The following NUP210L variants were observed in gnomAD, a reference collection of about 807,000 sequenced individuals.
NUP210L encodes nuclear pore membrane glycoprotein 210-like.
Under a neutral mutation model 208.5 loss-of-function variants are expected in NUP210L, and 74 were observed. The observed-to-expected ratio is 0.35, with a 90% CI of 0.29 to 0.43. The LOEUF (loss-of-function observed/expected upper bound fraction) is 0.43, where lower values mean the gene tolerates loss of function less well. NUP210L is among the 20% of genes least tolerant of loss of function. The pLI is 1.00. For synonymous variants in NUP210L, 780 were observed against 816.9 expected (o/e 0.95, Z 0.77); for missense variants, 1,843 against 2,289.4 (o/e 0.81, Z 3.98).
chr1:154,093,138 G>A (rs551329118), intron 15 of NUP210L, among the ~76,000 whole-genome samples: 2 of 151,710 alleles, frequency 1.3e-5, no homozygotes, highest in Non-Finnish European at 2.9e-5. Context: ...GATTAAGATG[G>A]TAATTTTAGG....
At chr1:154,053,767 T>C (rs753733179) in intron 25 of NUP210L, among the ~76,000 whole-genome samples, 7 of 152,192 alleles carry the variant, frequency 4.6e-5, no homozygotes, top group Non-Finnish European at 7.4e-5. Flanking sequence ...TATAAATATG[T>C]GGGTTAATCT....
chr1:154,062,589 T>TTG lies in NUP210L; in HGVS notation c.2555-917_2555-916dup, dbSNP rs1286804007. Among the ~76,000 whole-genome samples the TTG allele has an allele frequency of 7.3e-4, 83 of 112,928 alleles. 1 individual carries two copies. Among genetic ancestry groups the TTG allele is most frequent in the Non-Finnish European group, 9.5e-4 (53 of 56,068 alleles). 74.1% of individuals were successfully genotyped at this position (112,928 alleles called of 152,430 possible). ...TTCCTTTTTTTTTTTTTTTTTTTTT[T>TTG]TGTGTGTGTGTGTGTGTGTGACAGG... On this transcript the variant is annotated intron_variant, in intron 17 of 39. Coordinates refer to ENST00000368559, the Ensembl canonical transcript of NUP210L.
At chr1:154,111,051 T>TAA (rs746281644) in intron 12 of NUP210L, among the ~76,000 whole-genome samples, 1 of 124,858 alleles carries the variant, frequency 8.0e-6, no homozygotes. Flanking sequence ...TTAGCCAGAC[T>TAA]AAAAAAAAAA....
At chr1:154,055,129 TTCTTTCTTTCTTTC>T (rs1160959900) in intron 23 of NUP210L, among the ~76,000 whole-genome samples, 2 of 56,936 alleles carry the variant, frequency 3.5e-5, no homozygotes, top group Non-Finnish European at 7.5e-5. Context: ...TTTCTTTTCT[TTCTTTCTTTCTTTC>T]TTTCTTTCTT....
intron 14 of NUP210L, among the ~76,000 whole-genome samples, 187 bp downstream of exon 14, chr1:154,099,811 G>C (rs7537213): frequency 6.6e-6 from 1 of 151,996 alleles, no homozygotes; most frequent in African/African-American, 2.4e-5. Context: ...AAGCATGAGG[G>C]AGTAAACTCC....
At chr1:154,111,326 T>C (rs1657029466) in intron 12 of NUP210L, among the ~76,000 whole-genome samples, 2 of 151,396 alleles carry the variant, frequency 1.3e-5, no homozygotes, top group Admixed American at 6.6e-5. Flanking sequence ...GAGGTTGCAA[T>C]GAGCCCAGAT....
exon 1 of NUP210L, chr1:154,155,026 A>G (rs1375137252): frequency 1.9e-6 from 3 of 1,608,334 alleles, no homozygotes; most frequent in Non-Finnish European, 2.5e-6. Flanking sequence ...CGTCTTGATG[A>G]CGCCGGACAG....
In NUP210L at chr1:154,000,708, T is replaced by A. The variant is rs60491166; in HGVS notation, c.5386+148A>T. ...TGGAACAGTGCACAATTTAAACTGT[T>A]TATTTCAGGAGTTTTTCATTTATTT... On this transcript the variant is annotated intron_variant, in intron 37 of 39. Transcript: ENST00000368559. 3.4e-4 allele frequency: 227 copies of A among 677,376 alleles called. 2 individuals are homozygous for A. In the East Asian group the frequency reaches 5.8e-3, roughly 17 times the overall value. The allele number at this position is 677,376 out of a possible 1,614,324, so 42.0% of individuals were successfully genotyped here. A position where few individuals can be genotyped will look rare whatever the true frequency, so the allele number is the denominator to read the frequency against.
At chr1:154,060,293 C>T (rs1463173635) in intron 20 of NUP210L, among the ~76,000 whole-genome samples, 5 of 152,196 alleles carry the variant, frequency 3.3e-5, no homozygotes, top group African/African-American at 1.2e-4. Context: ...CAGATGTGTG[C>T]TTTGAAACTT....
intron 2 of NUP210L, among the ~76,000 whole-genome samples, chr1:154,152,263 C>T (rs1031700458): frequency 3.3e-5 from 5 of 151,158 alleles, no homozygotes; most frequent in East Asian, 2.0e-4. Context: ...CTGTGTCTCC[C>T]GGGTTCAAGC....
intron 31 of NUP210L, 79 bp from the exon 32 acceptor site, chr1:154,022,422 AT>A: frequency 8.8e-7 from 1 of 1,131,766 alleles, no homozygotes; most frequent in Non-Finnish European, 1.3e-6. Flanking sequence ...ACCCTACCAC[AT>A]TTTATATTCA....
At chr1:154,001,255 T>A (rs1650196358) in intron 36 of NUP210L, among the ~76,000 whole-genome samples, 195 bp from the exon 37 acceptor site, 1 of 152,178 alleles carries the variant, frequency 6.6e-6, no homozygotes. Context: ...TGGAGTGCAG[T>A]GGCGCGATCT....
intron 17 of NUP210L, among the ~76,000 whole-genome samples, chr1:154,068,121 G>T (rs1201476753): frequency 2.6e-5 from 4 of 152,116 alleles, no homozygotes. Context: ...AGCCCACATT[G>T]CCAAGACAAT....
chr1:154,109,008 G>A (rs1656911382), intron 12 of NUP210L, among the ~76,000 whole-genome samples: 1 of 151,690 alleles, frequency 6.6e-6, no homozygotes, highest in Admixed American at 6.5e-5. Flanking sequence ...GCTGAGGCAG[G>A]AGAATTGCTT....
chr1:154,127,274 T>C lies in NUP210L; in HGVS notation c.1185+37A>G, dbSNP rs762379713. On this transcript the variant is annotated intron_variant, in intron 9 of 39. Transcript: ENST00000368559. The stretch of plus-strand genomic sequence containing the variant: ...CTTTACATCTTATGTATCTTATCCC[T>C]ACAAGGAGCTCAGAAAAATAAAAAA... 4.4e-5 allele frequency: 45 copies of C among 1,021,926 alleles called. No individual in the cohort carries two copies. In the East Asian group the frequency reaches 1.1e-3, roughly 24 times the overall value. The allele number at this position is 1,021,926 out of a possible 1,614,324, so 63.3% of individuals were successfully genotyped here.
At chr1:154,031,382 A>T (rs1441097924) in intron 27 of NUP210L, among the ~76,000 whole-genome samples, 2 of 151,978 alleles carry the variant, frequency 1.3e-5, no homozygotes, top group Non-Finnish European at 2.9e-5. Context: ...GAGCCATTGC[A>T]CCTGGCCTAG....
At chr1:154,010,246 G>T in intron 34 of NUP210L, 125 bp from the exon 35 acceptor site, 2 of 800,874 alleles carry the variant, frequency 2.5e-6, no homozygotes, top group Non-Finnish European at 3.9e-6. Flanking sequence ...AGTTATGGCT[G>T]GTTTGCCCAC....
intron 7 of NUP210L, among the ~76,000 whole-genome samples, chr1:154,132,482 T>C (rs1038639382): frequency 6.6e-6 from 1 of 152,264 alleles, no homozygotes; most frequent in African/African-American, 2.4e-5. Context: ...CTCTTTCTCT[T>C]ATATTCTCCA....
At chr1:154,108,152 AGTTTTT>A (rs780276169) in intron 12 of NUP210L, among the ~76,000 whole-genome samples, 4 of 152,028 alleles carry the variant, frequency 2.6e-5, no homozygotes, top group Admixed American at 1.3e-4. Flanking sequence ...AAAGTGTAGA[AGTTTTT>A]GTTTTTGTTT....
Sources: gnomAD v4.1 joint callset for allele counts (sites outside exome capture counted in the v4.1 genomes callset) on GRCh38, gnomAD v4.1.1 for gene constraint, MANE v1.5 for transcripts, NCBI Gene and HGNC (gene_info 2026-07-23, HGNC 2026-07-21) for gene names.